The following PIPOX variants were observed in gnomAD, a reference collection of about 807,000 sequenced individuals.
PIPOX encodes pipecolic acid and sarcosine oxidase, also known as peroxisomal sarcosine oxidase.
In PIPOX, 45 loss-of-function variants were observed where a neutral mutation model predicts 47.9. That is an observed-to-expected ratio of 0.94 (90% confidence interval 0.74 to 1.20). PIPOX has a LOEUF of 1.20. Ranked by LOEUF, PIPOX falls within the 50% of genes most tolerant of loss-of-function variation. The probability of loss-of-function intolerance (pLI) is 0.00; values close to 1 mark genes in which losing one functional copy is unlikely to be tolerated. For synonymous variants in PIPOX, 165 were observed against 191.3 expected (o/e 0.86, Z 1.13); for missense variants, 458 against 498.4 (o/e 0.92, Z 0.77).
chr17:29,047,846 A>G (rs771621651), intron 2 of PIPOX, among the ~76,000 whole-genome samples: 2 of 152,182 alleles, frequency 1.3e-5, no homozygotes, highest in African/African-American at 2.4e-5. Context: ...TCTGTCTCCA[A>G]ATAAGTTCAT....
Position 29,053,035 on chromosome 17 carries a change from C to G in PIPOX, c.379C>G (p.Gln127Glu). 2 of 1,614,258 alleles carry G rather than the reference C, an allele frequency of 1.2e-6. No individual in the cohort carries two copies. ...GTGTCTTTCATCTGAGGAACTGAAG[C>G]AACGTTTCCCAAATATTCGGTTGCC... ...HQCLSSEELK[Q>E]RFPNIRLPRG... Residue 127 changes from glutamine (Q) to glutamate (E), a missense_variant, in exon 3 of 8, where the codon CAA becomes GAA. Coordinates refer to ENST00000323372, the MANE Select transcript of PIPOX (RefSeq NM_016518.3).
At position 29,052,992 on chromosome 17, in the gene PIPOX, G is replaced by A; in HGVS notation, c.336G>A (p.Arg112=). Residue 112 remains arginine (R), a synonymous_variant, in exon 3 of 8, where the codon AGG becomes AGA. Transcript: ENST00000323372. ...AGACAATCCAGGCCAATCTGTCGAG[G>A]CAGAGGGTAGAACACCAGTGTCTTT... ...ELKTIQANLS[R]QRVEHQCLSS... The A allele has an allele frequency of 5.0e-6, 8 of 1,614,230 alleles. No individual in the cohort carries two copies. Among genetic ancestry groups the A allele is most frequent in the Non-Finnish European group, 6.8e-6 (8 of 1,180,014 alleles).
At chr17:29,049,521 A>G (rs981817047) in intron 2 of PIPOX, among the ~76,000 whole-genome samples, 3 of 152,206 alleles carry the variant, frequency 2.0e-5, no homozygotes, top group Non-Finnish European at 4.4e-5. Context: ...CAATCTGCCC[A>G]TGGAAGCCAT....
At chr17:29,054,819 G>C (rs1000584766) in intron 5 of PIPOX, 128 bp downstream of exon 5, 2 of 1,165,976 alleles carry the variant, frequency 1.7e-6, no homozygotes, top group Non-Finnish European at 2.4e-6. Context: ...CACTCATGGC[G>C]ATTTGCAAGG....
chr17:29,052,103 G>C (rs4795491), intron 2 of PIPOX: 1 of 460,628 alleles, frequency 2.2e-6, no homozygotes, highest in South Asian at 1.6e-5. Context: ...CACAAAACAG[G>C]CAGCCTCTGA....
In PIPOX at chr17:29,055,087, G is replaced by A. The variant is rs2065822200; in HGVS notation, c.832G>A (p.Ala278Thr). Residue 278 changes from alanine to threonine, a missense_variant, in exon 6 of 8, where the codon GCA becomes ACA. Transcript: ENST00000323372. ...MKVSYHHGNH[A>T]DPEERDCPTA... ...GGTCAGCTATCACCACGGCAACCAC[G>A]CAGACCCTGAGGAGCGGGACTGCCC... 4 of 1,614,106 alleles carry A rather than the reference G, an allele frequency of 2.5e-6. No individual in the cohort carries two copies. The highest frequency in any genetic ancestry group is 1.1e-5 in the South Asian group (1 of 91,078).
chr17:29,054,842 C>A, intron 5 of PIPOX, 151 bp downstream of exon 5: 2 of 1,098,820 alleles, frequency 1.8e-6, no homozygotes, highest in Non-Finnish European at 2.6e-6. Context: ...AGACCCTCAG[C>A]TGCCCTGAGG....
rs572049055 is a variant in PIPOX, at chr17:29,056,426, C to T, written c.*121C>T. On this transcript the variant is annotated 3_prime_UTR_variant, in exon 8 of 8. Transcript: ENST00000323372. Reference sequence around the variant, plus strand: ...TTTCTTCTGCCTCGCCTGAATCCCCCATAAACACCAGATGATTGAGTCTAC... The same window carrying T: ...TTTCTTCTGCCTCGCCTGAATCCCCTATAAACACCAGATGATTGAGTCTAC... 2.1e-4 allele frequency: 238 copies of T among 1,119,810 alleles called. No individual in the cohort carries two copies. In the African/African-American group the frequency reaches 3.4e-3, roughly 16 times the overall value. The allele number at this position is 1,119,810 out of a possible 1,614,324, so 69.4% of individuals were successfully genotyped here.
At chr17:29,054,420 AT>A (rs2152698932) in intron 4 of PIPOX, 124 bp from the exon 5 acceptor site, 1 of 930,144 alleles carries the variant, frequency 1.1e-6, no homozygotes, top group Admixed American at 2.1e-5. Flanking sequence ...AGAGACAAAC[AT>A]GGATGAGTTC....
chr17:29,049,519 C>G (rs1212479174), intron 2 of PIPOX, among the ~76,000 whole-genome samples: 1 of 152,146 alleles, frequency 6.6e-6, no homozygotes, highest in Admixed American at 6.5e-5. Flanking sequence ...TTCAATCTGC[C>G]CATGGAAGCC....
chr17:29,055,763 TC>T, intron 6 of PIPOX, 49 bp from the exon 7 acceptor site: 1 of 1,470,640 alleles, frequency 6.8e-7, no homozygotes, highest in South Asian at 1.1e-5. Flanking sequence ...TGCAGTTCTT[TC>T]TCTTCCCTCG....
chr17:29,054,769 G>A, intron 5 of PIPOX, 78 bp downstream of exon 5: 1 of 1,520,564 alleles, frequency 6.6e-7, no homozygotes, highest in South Asian at 1.2e-5. Flanking sequence ...CCCCTCCATA[G>A]ATGCCCTTGG....
chr17:29,044,103 A>G (rs2065776395), intron 1 of PIPOX: 1 of 152,164 alleles, frequency 6.6e-6, no homozygotes, highest in African/African-American at 2.4e-5. Context: ...TCATTTCTCT[A>G]TCAGTTTTCT....
At chr17:29,047,500 C>T (rs1044434358) in intron 2 of PIPOX, among the ~76,000 whole-genome samples, 5 of 151,716 alleles carry the variant, frequency 3.3e-5, no homozygotes, top group South Asian at 2.1e-4. Flanking sequence ...TAAATGGCCA[C>T]GTAGTAAGTA....
intron 6 of PIPOX, 56 bp downstream of exon 6, chr17:29,055,277 AG>A: frequency 6.2e-7 from 1 of 1,603,764 alleles, no homozygotes; most frequent in Non-Finnish European, 8.5e-7. Flanking sequence ...GAAGGGAAGA[AG>A]GAGACAGACC....
intron 2 of PIPOX, among the ~76,000 whole-genome samples, chr17:29,049,104 T>A (rs1429463500): frequency 2.0e-5 from 3 of 152,032 alleles, no homozygotes; most frequent in African/African-American, 7.3e-5. Flanking sequence ...TATAGCAGAG[T>A]CAACAAGGCC....
chr17:29,055,534 G>A (rs1446162348), intron 6 of PIPOX, among the ~76,000 whole-genome samples: 1 of 152,220 alleles, frequency 6.6e-6, no homozygotes, highest in African/African-American at 2.4e-5. Context: ...AAAGAGAAGA[G>A]ACAGATGTCA....
chr17:29,052,808 A>G (rs866489903), intron 2 of PIPOX, 112 bp from the exon 3 acceptor site: 1 of 878,748 alleles, frequency 1.1e-6, no homozygotes, highest in African/African-American at 1.7e-5. Flanking sequence ...AGTGGCCTCA[A>G]GTCATCCTCC....
At chr17:29,053,802 T>C (rs1598239793) in intron 4 of PIPOX, 1 of 468,394 alleles carries the variant, frequency 2.1e-6, no homozygotes, top group Admixed American at 3.4e-5. Context: ...ATTAGGCTGG[T>C]GCAAAAGTAA....
Sources: allele counts gnomAD v4.1 joint callset (sites outside exome capture counted in the v4.1 genomes callset), GRCh38; gene constraint gnomAD v4.1.1; transcripts MANE v1.5; gene names NCBI Gene and HGNC (gene_info 2026-07-23, HGNC 2026-07-21).